Variants in NCAM2 observed in about 807,000 individuals in gnomAD.
NCAM2 encodes the protein N-CAM-2.
Under a neutral mutation model 98.1 loss-of-function variants are expected in NCAM2, and 30 were observed. The observed-to-expected ratio is 0.31, with a 90% CI of 0.23 to 0.41. NCAM2 has a LOEUF of 0.41. Among genes scored for constraint, NCAM2 ranks in the 10% least tolerant of loss-of-function variants. The probability of loss-of-function intolerance (pLI) is 1.00; values close to 1 mark genes in which losing one functional copy is unlikely to be tolerated. For missense variants in NCAM2, 867 were observed against 1,005.8 expected, an observed-to-expected ratio of 0.86 and a Z score of 1.87; for synonymous variants, 368 against 342.4, an observed-to-expected ratio of 1.07 and a Z score of -0.83.
At chr21:21,263,941 A>G (rs2072023441) in intron 1 of NCAM2, among the ~76,000 whole-genome samples, 1 of 152,122 alleles carries the variant, frequency 6.6e-6, no homozygotes, top group Non-Finnish European at 1.5e-5. Flanking sequence ...GCCTAGGCAA[A>G]GAATTTATGA....
chr21:21,340,577 T>C (rs2074998868), intron 8 of NCAM2, among the ~76,000 whole-genome samples: 1 of 152,004 alleles, frequency 6.6e-6, no homozygotes, highest in South Asian at 2.1e-4. Context: ...AACTCAAATA[T>C]GCTTTTCTGC....
chr21:21,245,786 G>A (rs1288622440), intron 1 of NCAM2, among the ~76,000 whole-genome samples: 4 of 152,114 alleles, frequency 2.6e-5, no homozygotes, highest in Admixed American at 1.3e-4. Flanking sequence ...GAAGTTAGGT[G>A]GATGGTAGAT....
intron 16 of NCAM2, among the ~76,000 whole-genome samples, chr21:21,524,370 CT>C (rs1569137971): frequency 6.6e-6 from 1 of 151,342 alleles, no homozygotes; most frequent in Non-Finnish European, 1.5e-5. Context: ...AGGTGTCCAC[CT>C]TTATAGCTGG....
chr21:21,130,355 A>C (rs1186031757), intron 1 of NCAM2, among the ~76,000 whole-genome samples: 1 of 152,160 alleles, frequency 6.6e-6, no homozygotes, highest in African/African-American at 2.4e-5. Context: ...TAGTTAATAA[A>C]ATATTTAGTG....
At chr21:21,269,553 C>G (rs2072416721) in intron 1 of NCAM2, among the ~76,000 whole-genome samples, 1 of 152,078 alleles carries the variant, frequency 6.6e-6, no homozygotes, top group South Asian at 2.1e-4. Context: ...AATATTCTTT[C>G]TAAATTGTTT....
intron 8 of NCAM2, among the ~76,000 whole-genome samples, chr21:21,356,689 A>G (rs1292108434): frequency 6.6e-6 from 1 of 152,118 alleles, no homozygotes; most frequent in Non-Finnish European, 1.5e-5. Flanking sequence ...CAAGGAGTGT[A>G]GCGCTAAAAA....
At chr21:21,276,064 T>C (rs996796132) in intron 1 of NCAM2, among the ~76,000 whole-genome samples, 7 of 152,134 alleles carry the variant, frequency 4.6e-5, no homozygotes, top group African/African-American at 1.7e-4. Context: ...GCCCTTATTC[T>C]TTTCTATCCT....
At chr21:21,246,084 A>G (rs965913657) in intron 1 of NCAM2, among the ~76,000 whole-genome samples, 1 of 152,208 alleles carries the variant, frequency 6.6e-6, no homozygotes, top group Non-Finnish European at 1.5e-5. Context: ...GACTAGTGAT[A>G]AAAGGTACTG....
chr21:21,342,769 G>C (rs1160276558), intron 8 of NCAM2, among the ~76,000 whole-genome samples: 1 of 152,172 alleles, frequency 6.6e-6, no homozygotes, highest in Non-Finnish European at 1.5e-5. Flanking sequence ...TAAGTATGTG[G>C]GGTGGGAGAT....
chr21:21,272,003 C>G (rs1175097987), intron 1 of NCAM2, among the ~76,000 whole-genome samples: 1 of 152,058 alleles, frequency 6.6e-6, no homozygotes, highest in Non-Finnish European at 1.5e-5. Flanking sequence ...TGTAACAAAC[C>G]TGCATGTTGT....
chr21:21,167,766 A>G (rs1243323960), intron 1 of NCAM2, among the ~76,000 whole-genome samples: 5 of 152,204 alleles, frequency 3.3e-5, no homozygotes, highest in African/African-American at 1.2e-4. Flanking sequence ...CAGAACTCAC[A>G]AAAGAAACAG....
At chr21:21,070,862 G>T (rs1294862142) in intron 1 of NCAM2, among the ~76,000 whole-genome samples, 3 of 152,180 alleles carry the variant, frequency 2.0e-5, no homozygotes, top group Non-Finnish European at 2.9e-5. Context: ...TAAATATTGT[G>T]AGAGGAAAAT....
At chr21:21,059,093 G>A (rs191781710) in intron 1 of NCAM2, among the ~76,000 whole-genome samples, 6 of 151,966 alleles carry the variant, frequency 3.9e-5, no homozygotes, top group Non-Finnish European at 4.4e-5. Flanking sequence ...AATCTATCAT[G>A]TCACATGTTT....
intron 1 of NCAM2, among the ~76,000 whole-genome samples, chr21:21,152,534 A>G (rs746105744): frequency 4.3e-4 from 66 of 152,060 alleles, no homozygotes; most frequent in Admixed American, 1.4e-3. Flanking sequence ...TGTGGCAACA[A>G]TTGAAACATT....
chr21:21,523,847 A>G (rs1989168134), intron 16 of NCAM2, among the ~76,000 whole-genome samples: 1 of 152,088 alleles, frequency 6.6e-6, no homozygotes, highest in Non-Finnish European at 1.5e-5. Context: ...ATCGCCAAAG[A>G]CAGAAAAATA....
rs111704919 is a variant in NCAM2 at position 21,006,980 on chromosome 21, T to C, written c.55+8362T>C. ...TTAAGACTTTTATGGTTTTTGCTGG[T>C]GCTTGTTTACAGATTTCTGCAGGTT... On this transcript the variant is annotated intron_variant, in intron 1 of 17. Transcript: ENST00000400546. 4.4e-3 allele frequency among the ~76,000 whole-genome samples: 677 copies of C among 152,278 alleles called. 6 individuals carry two copies. The highest frequency in any genetic ancestry group is 0.016 in the African/African-American group (646 of 41,546).
intron 1 of NCAM2, among the ~76,000 whole-genome samples, chr21:21,093,578 A>G (rs572788305): frequency 3.3e-5 from 5 of 152,048 alleles, no homozygotes; most frequent in African/African-American, 1.2e-4. Flanking sequence ...CTTGCATCAC[A>G]GGGTAAGCCA....
chr21:21,523,523 T>G, intron 16 of NCAM2, among the ~76,000 whole-genome samples: 1 of 152,010 alleles, frequency 6.6e-6, no homozygotes, highest in Admixed American at 6.6e-5. Context: ...AATTAAAAAC[T>G]TTTACTTTTC....
At chr21:21,476,783 T>C (rs1034126049) in intron 14 of NCAM2, among the ~76,000 whole-genome samples, 5 of 152,028 alleles carry the variant, frequency 3.3e-5, no homozygotes, top group African/African-American at 1.2e-4. Context: ...TCATAAAACA[T>C]CATAGTAGTA....
Sources: gnomAD v4.1 joint callset for allele counts (sites outside exome capture counted in the v4.1 genomes callset) on GRCh38, gnomAD v4.1.1 for gene constraint, MANE v1.5 for transcripts, NCBI Gene and HGNC (gene_info 2026-07-23, HGNC 2026-07-21) for gene names.